The following SLC7A5 variants were observed in gnomAD, a reference collection of about 807,000 sequenced individuals.
SLC7A5 encodes solute carrier family 7 member 5.
A neutral mutation model predicts 50.2 loss-of-function variants in SLC7A5; 23 were observed. The observed-to-expected ratio is 0.46, with a 90% CI of 0.33 to 0.65. The LOEUF (loss-of-function observed/expected upper bound fraction) is 0.65, where lower values mean the gene tolerates loss of function less well. Among genes scored for constraint, SLC7A5 ranks in the 30% least tolerant of loss-of-function variants. The probability of loss-of-function intolerance (pLI) is 0.02; values close to 1 mark genes in which losing one functional copy is unlikely to be tolerated. For synonymous variants in SLC7A5, 393 were observed against 330.6 expected, an observed-to-expected ratio of 1.19 and a Z score of -2.05; for missense variants, 578 against 684.4, an observed-to-expected ratio of 0.84 and a Z score of 1.73.
rs768321533 is a variant in SLC7A5 at position 87,851,835 on chromosome 16, C to T, written c.553G>A (p.Val185Met). The T allele has an allele frequency of 8.1e-6, 13 of 1,612,938 alleles. No individual in the cohort carries two copies. Among genetic ancestry groups the T allele is most frequent in the African/African-American group, 2.7e-5 (2 of 74,920 alleles). ...GCGGCCTTCACGCTGTAGCAGTTCA[C>T]GGCCGTGAGCAGCACTGTGGAGACA... ...ACLCVLLLTA[V>M]NCYSVKAATR... is the part of the protein sequence containing the mutation. The change falls in exon 2 of 10, where the codon GTG (valine) becomes ATG (methionine). Residue 185 changes from valine to methionine, a missense_variant. By Grantham distance (21) the Val-to-Met change is conservative. This residue lies in a region of SLC7A5 where 465 missense variants were observed against 594.6 expected (regional missense o/e 0.78). Coordinates refer to ENST00000261622, the MANE Select transcript of SLC7A5 (RefSeq NM_003486.7).
chr16:87,846,343 A>G (rs1210428189), intron 2 of SLC7A5, among the ~76,000 whole-genome samples: 3 of 151,724 alleles, frequency 2.0e-5, no homozygotes, highest in African/African-American at 7.3e-5. Context: ...GCTGTGGCCG[A>G]CTCCTCCCTT....
intron 1 of SLC7A5, 29 bp downstream of exon 1, chr16:87,868,856 C>T (rs2055495856): frequency 6.3e-7 from 1 of 1,575,302 alleles, no homozygotes; most frequent in Admixed American, 1.8e-5. Context: ...CTACGACCTC[C>T]CAACCCCCGG....
At chr16:87,858,814 G>C (rs1176289209) in intron 1 of SLC7A5, among the ~76,000 whole-genome samples, 4 of 152,194 alleles carry the variant, frequency 2.6e-5, no homozygotes, top group African/African-American at 9.7e-5. Context: ...CAGACTCTGC[G>C]CTCAGGCTTA....
chr16:87,858,914 A>G (rs993512889), intron 1 of SLC7A5, among the ~76,000 whole-genome samples: 8 of 152,224 alleles, frequency 5.3e-5, no homozygotes, highest in African/African-American at 1.7e-4. Flanking sequence ...GGCTCTGCAG[A>G]TGCAGTGATG....
In SLC7A5 at chr16:87,833,129, C is replaced by A; in HGVS notation, c.1469-104G>T. 1.1e-6 allele frequency: 1 copy of A among 931,214 alleles called. No homozygotes were observed. Among genetic ancestry groups the A allele is most frequent in the South Asian group, 1.3e-5 (1 of 77,120 alleles). The allele number at this position is 931,214 out of a possible 1,614,324, so 57.7% of individuals were successfully genotyped here. A position where few individuals can be genotyped will look rare whatever the true frequency, so the allele number is the denominator to read the frequency against. ...CCCCCAGCCCTGCTGTCACCAAACCCAGCGCCGCTGCCCAGCGCTGGGATT... is the reference window on the plus strand; with the variant it reads ...CCCCCAGCCCTGCTGTCACCAAACCAAGCGCCGCTGCCCAGCGCTGGGATT... On this transcript the variant is annotated intron_variant, in intron 9 of 9. Coordinates refer to ENST00000261622, the MANE Select transcript of SLC7A5 (RefSeq NM_003486.7). This position sits in a 1 kb window ranked among gnomAD's most constrained non-coding sequence, Gnocchi z 6.0.
At chr16:87,848,102 C>CT (rs2055176179) in intron 2 of SLC7A5, among the ~76,000 whole-genome samples, 1 of 149,812 alleles carries the variant, frequency 6.7e-6, no homozygotes, top group Non-Finnish European at 1.5e-5. Context: ...CAGGCTGCGG[C>CT]TTTCTTTCCT....
chr16:87,868,993 A>G lies in SLC7A5; in HGVS notation c.430T>C (p.Ser144Pro). Reference sequence around the variant, plus strand: ...AAGACCAGGGCCACGATGTACTGCGATGAAGGCCGGATGATGAGCAGCTCG... The same window carrying G: ...AAGACCAGGGCCACGATGTACTGCGGTGAAGGCCGGATGATGAGCAGCTCG... The part of the protein sequence containing the change: ...WIELLIIRPS[S>P]QYIVALVFAT... Residue 144 changes from serine to proline, a missense_variant, in exon 1 of 10, where the codon TCG becomes CCG. Physicochemically the swap from Ser to Pro is moderately conservative, Grantham distance 74. Transcript: ENST00000261622. 1.9e-6 allele frequency: 3 copies of G among 1,611,680 alleles called. No individual in the cohort carries two copies. The highest frequency in any genetic ancestry group is 2.5e-6 in the Non-Finnish European group (3 of 1,179,784).
intron 2 of SLC7A5, among the ~76,000 whole-genome samples, chr16:87,843,280 C>T (rs975978599): frequency 6.7e-6 from 1 of 149,288 alleles, no homozygotes; most frequent in African/African-American, 2.5e-5. Flanking sequence ...GACAATATAC[C>T]GAGGCTTGAC....
rs764037421 is a variant in SLC7A5 at position 87,832,937 on chromosome 16, G to C, written c.*33C>G. ...GTGATCTACTTTAACTGGCCTCTGC[G>C]CATGCTCCTCCGGCAGCCACTCGGC... On this transcript the variant is annotated 3_prime_UTR_variant, in exon 10 of 10. Coordinates refer to ENST00000261622, the MANE Select transcript of SLC7A5 (RefSeq NM_003486.7). The surrounding 1 kb of genome is among the most constrained non-coding windows in gnomAD (Gnocchi z 4.6). 4 of 1,586,774 alleles carry C rather than the reference G, an allele frequency of 2.5e-6. No homozygotes were observed. The highest frequency in any genetic ancestry group is 2.6e-6 in the Non-Finnish European group (3 of 1,155,700).
intron 2 of SLC7A5, among the ~76,000 whole-genome samples, chr16:87,844,704 G>A (rs752850478): frequency 2.0e-5 from 3 of 152,228 alleles, no homozygotes; most frequent in African/African-American, 4.8e-5. Flanking sequence ...CAGGGCTGAC[G>A]GGCCCCTGCC....
chr16:87,849,498 TGTTTTTACAAAAATCAC>T (rs1657757040), intron 2 of SLC7A5, among the ~76,000 whole-genome samples: 1 of 152,200 alleles, frequency 6.6e-6, no homozygotes, highest in African/African-American at 2.4e-5. Context: ...TACCGAAATT[TGTTTTTACAAAAATCAC>T]GTTCCCCTCC....
At chr16:87,835,308 C>G (rs1287231088) in intron 8 of SLC7A5, among the ~76,000 whole-genome samples, 1 of 152,208 alleles carries the variant, frequency 6.6e-6, no homozygotes, top group Non-Finnish European at 1.5e-5. Flanking sequence ...TACCCCATGC[C>G]CAGGTCCCCA....
Position 87,853,082 on chromosome 16 carries a change from C to T in SLC7A5, c.539-1233G>A, listed in dbSNP as rs2055258657. Reference sequence around the variant, plus strand: ...CACTAAGACTGCAGGAAGGTGAGAGCATCAGAAAGGCCGTGGGCTCCTCTT... The same window carrying T: ...CACTAAGACTGCAGGAAGGTGAGAGTATCAGAAAGGCCGTGGGCTCCTCTT... On this transcript the variant is annotated intron_variant, in intron 1 of 9. Transcript: ENST00000261622. The surrounding 1 kb of genome is among the most constrained non-coding windows in gnomAD (Gnocchi z 4.4). Among the ~76,000 whole-genome samples, 3 of 152,128 alleles carry T rather than the reference C, an allele frequency of 2.0e-5. No individual in the cohort carries two copies. The highest frequency in any genetic ancestry group is 2.0e-4 in the Admixed American group (3 of 15,284).
rs1339947323 is a variant in SLC7A5 at position 87,860,115 on chromosome 16, C to A, written c.539-8266G>T. ...TGGGAAGCCAAGGTGGGCGGATCAC[C>A]TGAGATCAAGAGTTCGAAACCAGCC... On this transcript the variant is annotated intron_variant, in intron 1 of 9. Transcript: ENST00000261622. The surrounding 1 kb of genome is among the most constrained non-coding windows in gnomAD (Gnocchi z 4.8). 1.3e-5 allele frequency among the ~76,000 whole-genome samples: 2 copies of A among 152,034 alleles called. No homozygotes were observed. The highest frequency in any genetic ancestry group is 2.9e-5 in the Non-Finnish European group (2 of 67,984).
At chr16:87,838,617 G>C in intron 6 of SLC7A5, 97 bp downstream of exon 6, 2 of 951,472 alleles carry the variant, frequency 2.1e-6, no homozygotes, top group Non-Finnish European at 3.4e-6. Context: ...TGCATCCCCA[G>C]TATCACAGAG....
rs2055262092 is a variant in SLC7A5, at chr16:87,853,282, G to C, written c.539-1433C>G. ...AATGACACCGGAAACGTCCTGAGGT[G>C]CGGGACGGGCTGCCGCCTGCCTATC... On this transcript the variant is annotated intron_variant, in intron 1 of 9. Coordinates refer to ENST00000261622, the MANE Select transcript of SLC7A5 (RefSeq NM_003486.7). The surrounding 1 kb of genome is among the most constrained non-coding windows in gnomAD (Gnocchi z 4.4). Among the ~76,000 whole-genome samples, 1 of 152,252 alleles carries C rather than the reference G, an allele frequency of 6.6e-6. No individual in the cohort carries two copies. Among genetic ancestry groups the C allele is most frequent in the Non-Finnish European group, 1.5e-5 (1 of 68,040 alleles).
At chr16:87,868,801 T>G in intron 1 of SLC7A5, 84 bp downstream of exon 1, 1 of 1,359,500 alleles carries the variant, frequency 7.4e-7, no homozygotes, top group South Asian at 1.2e-5. Flanking sequence ...TGTAGAGATG[T>G]GGGAGCCAGG....
chr16:87,844,762 G>A (rs1263861894), intron 2 of SLC7A5, among the ~76,000 whole-genome samples: 2 of 152,260 alleles, frequency 1.3e-5, no homozygotes, highest in Admixed American at 1.3e-4. Context: ...CCTCAAGCGC[G>A]GACTTTCCAC....
In SLC7A5 at chr16:87,835,709, T is replaced by C. The variant is rs549234798; in HGVS notation, c.1290+789A>G. ...CAGGATGGTCTCTATCTCCTGACTT[T>C]GTGATCTGCCCGCCTCGGCCTCCCA... is the stretch of plus-strand genomic sequence containing the variant. On this transcript the variant is annotated intron_variant, in intron 8 of 9. Coordinates refer to ENST00000261622, the MANE Select transcript of SLC7A5 (RefSeq NM_003486.7). 2.0e-3 allele frequency among the ~76,000 whole-genome samples: 297 copies of C among 152,206 alleles called. 1 individual carries two copies. The highest frequency in any genetic ancestry group is 5.6e-3 in the African/African-American group (231 of 41,540).
Sources: allele counts gnomAD v4.1 joint callset (sites outside exome capture counted in the v4.1 genomes callset), GRCh38; gene constraint gnomAD v4.1.1; regional missense constraint gnomAD v4.1.1; non-coding constraint Gnocchi (gnomAD v3.1); transcripts MANE v1.5; gene names NCBI Gene and HGNC (gene_info 2026-07-23, HGNC 2026-07-21).